Variants in SP140 observed in about 807,000 individuals in gnomAD.
SP140 encodes nuclear body protein SP140.
In SP140, 81 loss-of-function variants were observed where a neutral mutation model predicts 125.0. That is an observed-to-expected ratio of 0.65 (90% CI 0.54 to 0.78). SP140 has a LOEUF of 0.78. Among genes scored for constraint, SP140 ranks in the 30% least tolerant of loss-of-function variants. The probability of loss-of-function intolerance (pLI) is 0.00; values close to 1 mark genes in which losing one functional copy is unlikely to be tolerated. For synonymous variants in SP140, 312 were observed against 354.0 expected, an observed-to-expected ratio of 0.88 and a Z score of 1.33; for missense variants, 858 against 1,037.0, an observed-to-expected ratio of 0.83 and a Z score of 2.37.
At chr2:230,200,931 T>C, upstream of SP140, 1 of 1,614,006 alleles carries the variant, frequency 6.2e-7, no homozygotes, top group Non-Finnish European at 8.5e-7. Context: ...GGGACCTCTT[T>C]CCTTCATTCA....
At chr2:230,265,104 T>C (rs950837481) in intron 12 of SP140, among the ~76,000 whole-genome samples, 4 of 151,924 alleles carry the variant, frequency 2.6e-5, no homozygotes, top group Non-Finnish European at 2.9e-5. Flanking sequence ...GGGCTAGGCA[T>C]GTCTGAGCTA....
chr2:230,221,049 G>A (rs542221421), upstream of SP140, among the ~76,000 whole-genome samples: 3 of 152,140 alleles, frequency 2.0e-5, no homozygotes, highest in African/African-American at 7.2e-5. Flanking sequence ...TTGGGAGGCT[G>A]AGATGGGTGG....
chr2:230,229,790 G>T (rs1455728634), intron 1 of SP140, among the ~76,000 whole-genome samples: 2 of 151,720 alleles, frequency 1.3e-5, no homozygotes, highest in East Asian at 3.9e-4. Flanking sequence ...TACTTGGAAG[G>T]TTAATTTCAC....
At chr2:230,245,812 G>A in intron 6 of SP140, 51 bp from the exon 7 acceptor site, 1 of 1,143,080 alleles carries the variant, frequency 8.7e-7, no homozygotes, top group African/African-American at 1.5e-5. Context: ...GATCCAGGTA[G>A]GTGTCCAGGT....
the SP140 span, among the ~76,000 whole-genome samples, chr2:230,197,457 G>A: frequency 1.3e-5 from 2 of 150,668 alleles, no homozygotes; most frequent in Non-Finnish European, 3.0e-5. Flanking sequence ...TTTGTCAGAT[G>A]AGTAGGTTGC....
chr2:230,235,323 C>T lies in SP140; in HGVS notation c.60-1760C>T, dbSNP rs368383215. On this transcript the variant is annotated intron_variant, in intron 1 of 26. Coordinates refer to ENST00000392045, the MANE Select transcript of SP140 (RefSeq NM_007237.5). ...ACCTTCAATAGCAATGAGTACCCCT[C>T]AGACCACTTTTTCTCTTTCATACTT... 7.2e-5 allele frequency among the ~76,000 whole-genome samples: 11 copies of T among 152,180 alleles called. No homozygotes were observed. In the East Asian group the frequency reaches 1.2e-3, roughly 16 times the overall value.
chr2:230,200,817 G>A, upstream of SP140: 5 of 1,197,066 alleles, frequency 4.2e-6, no homozygotes, highest in Non-Finnish European at 6.3e-6. Context: ...TATTGCCTCA[G>A]TGTAAGACAG....
chr2:230,290,889 C>G (rs749570211), intron 19 of SP140, among the ~76,000 whole-genome samples: 1 of 152,198 alleles, frequency 6.6e-6, no homozygotes, highest in Non-Finnish European at 1.5e-5. Flanking sequence ...TTCATATTCT[C>G]TCTCCCTTCT....
At chr2:230,232,383 C>T (rs1238930260) in intron 1 of SP140, among the ~76,000 whole-genome samples, 2 of 152,142 alleles carry the variant, frequency 1.3e-5, no homozygotes, top group East Asian at 3.8e-4. Context: ...GCCTGTATCT[C>T]CAGATTTTGG....
chr2:230,316,367 A>G (rs2396744), downstream of SP140, among the ~76,000 whole-genome samples: 92,781 of 152,058 alleles, frequency 0.61, 29,665 homozygotes, highest in African/African-American at 0.83. Context: ...TCAGAGCTTG[A>G]TGGGCCTCCT....
intron 3 of SP140, among the ~76,000 whole-genome samples, chr2:230,217,245 C>CAAA (rs6147220): frequency 0.11 from 9,015 of 79,666 alleles, 641 homozygotes; most frequent in Middle Eastern, 0.14. Flanking sequence ...GACTCCATCT[C>CAAA]AAAAAAAAAA....
downstream of SP140, among the ~76,000 whole-genome samples, chr2:230,314,807 G>T (rs2059472677): frequency 6.6e-6 from 1 of 152,254 alleles, no homozygotes; most frequent in Admixed American, 6.5e-5. Context: ...TGAGGGGGCA[G>T]CACATCCTTG....
At chr2:230,266,140 A>G (rs988590933) in intron 12 of SP140, among the ~76,000 whole-genome samples, 10 of 152,186 alleles carry the variant, frequency 6.6e-5, no homozygotes, top group African/African-American at 2.4e-4. Flanking sequence ...AAATCCTCTT[A>G]TCTTTCCTTC....
intron 12 of SP140, among the ~76,000 whole-genome samples, chr2:230,258,425 A>G (rs563185086): frequency 1.3e-5 from 2 of 152,334 alleles, no homozygotes; most frequent in Non-Finnish European, 1.5e-5. Flanking sequence ...GCTGCTTGCA[A>G]TACTATCCTA....
At chr2:230,264,036 G>A (rs538040620) in intron 12 of SP140, among the ~76,000 whole-genome samples, 143 of 152,246 alleles carry the variant, frequency 9.4e-4, no homozygotes, top group Middle Eastern at 3.4e-3. Flanking sequence ...GGCCAGGGAA[G>A]TTTTCTTTGA....
intron 15 of SP140, 115 bp from the exon 16 acceptor site, chr2:230,284,231 C>T (rs1234891905): frequency 1.0e-5 from 10 of 981,648 alleles, no homozygotes; most frequent in Non-Finnish European, 3.0e-6. Context: ...AAGTATTTTG[C>T]CCCATTCCTG....
chr2:230,292,969 G>A (rs754068589), intron 20 of SP140, among the ~76,000 whole-genome samples, 181 bp downstream of exon 20: 2 of 152,208 alleles, frequency 1.3e-5, no homozygotes, highest in Non-Finnish European at 2.9e-5. Flanking sequence ...ACACATTGAC[G>A]TTGTACCAGG....
In SP140 at chr2:230,290,592, C is replaced by T. The variant is rs750363643; in HGVS notation, c.1825+28C>T. The T allele has an allele frequency of 1.3e-5, 20 of 1,533,660 alleles. No homozygotes were observed. In the Middle Eastern group the frequency reaches 8.4e-4, roughly 65 times the overall value. ...AGGTTTTATGGTCTTCTTTAATTTG[C>T]AGCTCCTATCTGAAGGCATCACAAG... is the stretch of plus-strand genomic sequence containing the variant. On this transcript the variant is annotated intron_variant, in intron 19 of 26. Coordinates refer to ENST00000392045, the MANE Select transcript of SP140 (RefSeq NM_007237.5).
chr2:230,245,762 C>A, intron 6 of SP140, 101 bp from the exon 7 acceptor site: 2 of 727,620 alleles, frequency 2.7e-6, no homozygotes, highest in South Asian at 1.6e-5. Context: ...CCTTTATTCC[C>A]AGGGAGCAGT....
Sources: gnomAD v4.1 joint callset for allele counts (sites outside exome capture counted in the v4.1 genomes callset) on GRCh38, gnomAD v4.1.1 for gene constraint, MANE v1.5 for transcripts, NCBI Gene and HGNC (gene_info 2026-07-23, HGNC 2026-07-21) for gene names.